Variants in ATP8A1 observed in about 807,000 individuals in gnomAD.
The protein encoded by ATP8A1 is ATPase phospholipid transporting 8A1.
A neutral mutation model predicts 177.7 loss-of-function variants in ATP8A1; 90 were observed. That is an observed-to-expected ratio of 0.51 (90% confidence interval 0.43 to 0.60). The LOEUF is 0.60. ATP8A1 is among the 20% of genes least tolerant of loss of function. ATP8A1 has a pLI of 0.00. For synonymous variants in ATP8A1, 493 were observed against 485.9 expected (o/e 1.01, Z -0.19); for missense variants, 1,072 against 1,392.8 (o/e 0.77, Z 3.67).
At chr4:42,576,241 A>G (rs984384902) in intron 12 of ATP8A1, among the ~76,000 whole-genome samples, 18 of 151,892 alleles carry the variant, frequency 1.2e-4, no homozygotes, top group African/African-American at 4.1e-4. Context: ...GGAGGCCAAG[A>G]TGGGCGGATC....
At chr4:42,420,465 G>C (rs757244615) in intron 35 of ATP8A1, among the ~76,000 whole-genome samples, 1 of 152,172 alleles carries the variant, frequency 6.6e-6, no homozygotes, top group Admixed American at 6.5e-5. Flanking sequence ...ATTTATGCTG[G>C]AATTCACTTC....
chr4:42,448,938 C>A (rs150532905), intron 30 of ATP8A1, among the ~76,000 whole-genome samples: 1 of 141,442 alleles, frequency 7.1e-6, no homozygotes, highest in Non-Finnish European at 1.5e-5. Context: ...TAGGTTCAAG[C>A]GATTTTCCTG....
chr4:42,583,387 G>C (rs950627263), intron 9 of ATP8A1, among the ~76,000 whole-genome samples: 6 of 152,182 alleles, frequency 3.9e-5, no homozygotes, highest in Admixed American at 2.6e-4. Context: ...AGAGTTGAAA[G>C]GGGCCTTGGG....
At chr4:42,577,057 C>A (rs1443288447) in intron 12 of ATP8A1, among the ~76,000 whole-genome samples, 2 of 152,166 alleles carry the variant, frequency 1.3e-5, no homozygotes, top group Non-Finnish European at 2.9e-5. Flanking sequence ...AGTCAGTGTT[C>A]TATCTGTCAG....
intron 20 of ATP8A1, among the ~76,000 whole-genome samples, chr4:42,534,241 A>G (rs1727555688): frequency 6.6e-6 from 1 of 152,226 alleles, no homozygotes; most frequent in South Asian, 2.1e-4. Context: ...CACCAGAGAA[A>G]GGTGAAGTCT....
intron 32 of ATP8A1, among the ~76,000 whole-genome samples, chr4:42,444,093 T>TA (rs1389132235): frequency 6.6e-6 from 1 of 152,230 alleles, no homozygotes; most frequent in Admixed American, 6.5e-5. Flanking sequence ...GAAACTTTAA[T>TA]GTCTTTTTGT....
At position 42,412,766 on chromosome 4, in the gene ATP8A1, T is replaced by G; in HGVS notation, c.*150A>C. ...AGTTGCACAGTGCTTATGTCTATAA[T>G]ATACATGAATCTGAATGTCCATCAG... On this transcript the variant is annotated 3_prime_UTR_variant, in exon 37 of 37. Coordinates refer to ENST00000381668, the MANE Select transcript of ATP8A1 (RefSeq NM_006095.2). The G allele has an allele frequency of 1.6e-6, 1 of 626,998 alleles. No homozygotes were observed. The highest frequency in any genetic ancestry group is 2.8e-6 in the Non-Finnish European group (1 of 355,760). 38.8% of individuals were successfully genotyped at this position (626,998 alleles called of 1,614,324 possible). A position where few individuals can be genotyped will look rare whatever the true frequency, so the allele number is the denominator to read the frequency against.
chr4:42,639,219 T>TA (rs1022829168), intron 1 of ATP8A1, among the ~76,000 whole-genome samples: 3 of 151,774 alleles, frequency 2.0e-5, no homozygotes, highest in Admixed American at 6.6e-5. Context: ...AGCACAAGAT[T>TA]AAAAAAAGAT....
chr4:42,645,206 A>G (rs933386375), intron 1 of ATP8A1, among the ~76,000 whole-genome samples: 1 of 152,236 alleles, frequency 6.6e-6, no homozygotes, highest in Non-Finnish European at 1.5e-5. Flanking sequence ...CCTAATAAAT[A>G]GTATTAATGT....
chr4:42,628,224 C>A (rs1025543824), intron 1 of ATP8A1, among the ~76,000 whole-genome samples: 1 of 152,152 alleles, frequency 6.6e-6, no homozygotes, highest in African/African-American at 2.4e-5. Flanking sequence ...GATGAAAAAA[C>A]AACTGTTGGC....
At chr4:42,565,446 G>A (rs1000315824) in intron 15 of ATP8A1, among the ~76,000 whole-genome samples, 1 of 152,168 alleles carries the variant, frequency 6.6e-6, no homozygotes, top group African/African-American at 2.4e-5. Context: ...AGAATGAAAT[G>A]AGAAAATAAA....
chr4:42,533,579 C>G (rs752786776), intron 20 of ATP8A1, among the ~76,000 whole-genome samples: 7 of 152,072 alleles, frequency 4.6e-5, no homozygotes, highest in Non-Finnish European at 8.8e-5. Flanking sequence ...CCTGGTAGCC[C>G]AAGACAAAGG....
chr4:42,578,181 C>A, intron 12 of ATP8A1, 79 bp downstream of exon 12: 3 of 1,354,200 alleles, frequency 2.2e-6, no homozygotes, highest in East Asian at 2.5e-5. Flanking sequence ...TAATTAAAAC[C>A]TTTTTTCTCC....
intron 6 of ATP8A1, among the ~76,000 whole-genome samples, chr4:42,600,261 CAA>C (rs749890004): frequency 5.3e-5 from 8 of 151,692 alleles, no homozygotes; most frequent in Admixed American, 1.3e-4. Context: ...ATGAAAAAAA[CAA>C]AAAGTTCTAG....
intron 22 of ATP8A1, among the ~76,000 whole-genome samples, chr4:42,517,864 G>C (rs942359431): frequency 6.6e-6 from 1 of 152,100 alleles, no homozygotes; most frequent in African/African-American, 2.4e-5. Flanking sequence ...CTCTCATCTC[G>C]AGATGACTGT....
chr4:42,455,695 C>T lies in ATP8A1; in HGVS notation c.2620-96G>A, dbSNP rs1439445277. ...ATACTCAACTGCTGCATAATAGCAG[C>T]ATTAACATATTATACTCATGACTCT... On this transcript the variant is annotated intron_variant, in intron 27 of 36. Coordinates refer to ENST00000381668, the MANE Select transcript of ATP8A1 (RefSeq NM_006095.2). The T allele has an allele frequency of 5.6e-6, 6 of 1,064,128 alleles. No homozygotes were observed. The African/African-American group carries it at 8.1e-5, about 14-fold the overall frequency. 65.9% of individuals were successfully genotyped at this position (1,064,128 alleles called of 1,614,324 possible).
chr4:42,525,316 G>A (rs12649944), intron 20 of ATP8A1, among the ~76,000 whole-genome samples: 1 of 151,898 alleles, frequency 6.6e-6, no homozygotes, highest in South Asian at 2.1e-4. Flanking sequence ...TCTCGAAGGG[G>A]CTACATGCTA....
rs1560335169 is a variant in ATP8A1, at chr4:42,448,392, C to CTTACTTTACTTTTTTTTTTTT, written c.2897-1749_2897-1748insAAAAAAAAAAAAGTAAAGTAA. 3.0e-3 allele frequency among the ~76,000 whole-genome samples: 59 copies of CTTACTTTACTTTTTTTTTTTT among 19,906 alleles called. 2 individuals are homozygous for CTTACTTTACTTTTTTTTTTTT. The highest frequency in any genetic ancestry group is 4.6e-3 in the African/African-American group (57 of 12,368). 13.1% of individuals were successfully genotyped at this position (19,906 alleles called of 152,430 possible). On this transcript the variant is annotated intron_variant, in intron 30 of 36. Coordinates refer to ENST00000381668, the MANE Select transcript of ATP8A1 (RefSeq NM_006095.2). ...ACAAGTAGCCTCCCTCCCTCCTTCT[C>CTTACTTTACTTTTTTTTTTTT]TTTCTTTTCTTTTTTTTTTTTTTGA...
Position 42,541,564 on chromosome 4 carries a change from T to C in ATP8A1, c.1722+2353A>G, listed in dbSNP as rs146454989. ...GAAAACCTATGTTTACACAAAAACA[T>C]GCATATGCATGTTTACAGTAGCTTT... On this transcript the variant is annotated intron_variant, in intron 20 of 36. Transcript: ENST00000381668. Among the ~76,000 whole-genome samples the C allele has an allele frequency of 4.4e-3, 673 of 152,348 alleles. 1 individual carries two copies. The highest frequency in any genetic ancestry group is 6.9e-3 in the Non-Finnish European group (467 of 68,032).
Sources: allele counts gnomAD v4.1 joint callset (sites outside exome capture counted in the v4.1 genomes callset), GRCh38; gene constraint gnomAD v4.1.1; transcripts MANE v1.5; gene names NCBI Gene and HGNC (gene_info 2026-07-23, HGNC 2026-07-21).